PLEK: variants seen among roughly 807,000 people sequenced by gnomAD.
PLEK encodes pleckstrin.
A neutral mutation model predicts 43.9 loss-of-function variants in PLEK; 25 were observed. That is an observed-to-expected ratio of 0.57 (90% confidence interval 0.41 to 0.79). The LOEUF is 0.79. PLEK is among the 30% of genes least tolerant of loss of function. The probability of loss-of-function intolerance (pLI) is 0.00; values close to 1 mark genes in which losing one functional copy is unlikely to be tolerated. For missense variants in PLEK, 396 were observed against 413.3 expected (o/e 0.96, Z 0.36); for synonymous variants, 152 against 144.4 (o/e 1.05, Z -0.38).
chr2:68,378,126 A>T (rs1448729999), intron 1 of PLEK, among the ~76,000 whole-genome samples: 1 of 152,196 alleles, frequency 6.6e-6, no homozygotes, highest in African/African-American at 2.4e-5. Flanking sequence ...CATGCATTAT[A>T]CACTTATATA....
chr2:68,385,950 G>A lies in PLEK; in HGVS notation c.473-552G>A, dbSNP rs553395412. On this transcript the variant is annotated intron_variant, in intron 4 of 8. Transcript: ENST00000234313. ...AACACCCAGTAGAGTACCTAGCATC[G>A]AGTAGGTGCTCAGTAAATGTTTGTT... 1.1e-4 allele frequency among the ~76,000 whole-genome samples: 16 copies of A among 152,268 alleles called. No individual in the cohort carries two copies. In the Middle Eastern group the frequency reaches 0.01, roughly 97 times the overall value.
intron 1 of PLEK, among the ~76,000 whole-genome samples, chr2:68,377,514 A>G (rs1673528212): frequency 6.6e-6 from 1 of 152,148 alleles, no homozygotes; most frequent in African/African-American, 2.4e-5. Flanking sequence ...CATTTCTCTG[A>G]TGATCAGTGA....
At position 68,395,993 on chromosome 2, in the gene PLEK, T is replaced by G. The variant is rs1405979062; in HGVS notation, c.*177T>G. The G allele has an allele frequency of 1.6e-6, 1 of 619,066 alleles. No homozygotes were observed. Among genetic ancestry groups the G allele is most frequent in the Non-Finnish European group, 2.9e-6 (1 of 341,500 alleles). The allele number at this position is 619,066 out of a possible 1,614,324, so 38.3% of individuals were successfully genotyped here. A position where few individuals can be genotyped will look rare whatever the true frequency, so the allele number is the denominator to read the frequency against. Reference sequence around the variant, plus strand: ...GTGTGCAAGGTTCCCCTGCATTGTATTGCTCACTGCAGCCCCTCTGCCCCT... The same window carrying G: ...GTGTGCAAGGTTCCCCTGCATTGTAGTGCTCACTGCAGCCCCTCTGCCCCT... On this transcript the variant is annotated 3_prime_UTR_variant, in exon 9 of 9. Transcript: ENST00000234313.
intron 2 of PLEK, 76 bp downstream of exon 2, chr2:68,380,559 G>A (rs77480728): frequency 0.017 from 24,641 of 1,489,390 alleles, 362 homozygotes; most frequent in Admixed American, 0.078. Context: ...CCTACAATGT[G>A]GGTGGTGCTC....
intron 1 of PLEK, among the ~76,000 whole-genome samples, chr2:68,372,494 A>G (rs1673429709): frequency 6.6e-6 from 1 of 152,100 alleles, no homozygotes; most frequent in Non-Finnish European, 1.5e-5. Flanking sequence ...TATTTTTAAT[A>G]TGGTCAAATC....
chr2:68,383,383 G>A (rs1673669089), intron 4 of PLEK, among the ~76,000 whole-genome samples: 1 of 152,174 alleles, frequency 6.6e-6, no homozygotes, highest in Non-Finnish European at 1.5e-5. Flanking sequence ...GGGTTGATGG[G>A]ATGAATAGGA....
At chr2:68,382,496 GT>G (rs763061886) in intron 3 of PLEK, 45 bp from the exon 4 acceptor site, 307 of 1,150,738 alleles carry the variant, frequency 2.7e-4, no homozygotes, top group East Asian at 1.4e-3. Flanking sequence ...ATCCAACTGG[GT>G]TTTTTTTTGT....
Position 68,396,690 on chromosome 2 carries a change from C to T in PLEK, c.*874C>T, listed in dbSNP as rs2103790923. On this transcript the variant is annotated 3_prime_UTR_variant, in exon 9 of 9. Coordinates refer to ENST00000234313, the MANE Select transcript of PLEK (RefSeq NM_002664.3). ...AGGGGGACCCCACATCTGTGAGATT[C>T]TGTTTCATTTGAGGTTTACAGAAAA... 1 of 146,348 alleles carries T rather than the reference C, an allele frequency of 6.8e-6. No individual in the cohort carries two copies. The highest frequency in any genetic ancestry group is 3.5e-3 in the Middle Eastern group (1 of 284). 9.1% of individuals were successfully genotyped at this position (146,348 alleles called of 1,614,324 possible).
At chr2:68,387,776 G>GT (rs5831929) in intron 5 of PLEK, among the ~76,000 whole-genome samples, 408 of 147,496 alleles carry the variant, frequency 2.8e-3, no homozygotes, top group African/African-American at 5.4e-3. Context: ...TCCACAGTCT[G>GT]TTTTTTTTTT....
Position 68,365,303 on chromosome 2 carries a change from T to C in PLEK, c.-49T>C. The C allele has an allele frequency of 6.3e-7, 1 of 1,575,432 alleles. No homozygotes were observed. ...CAGCATGCAGAGGAGGCCCAGCTGC[T>C]GAGAGGAGTTGCCTGAGAGTGACCT... On this transcript the variant is annotated 5_prime_UTR_variant, in exon 1 of 9. The change abolishes the stop of an existing upstream ORF in the 5' untranslated region. Transcript: ENST00000234313.
intron 2 of PLEK, 84 bp downstream of exon 2, chr2:68,380,567 C>T (rs1026199920): frequency 2.8e-6 from 4 of 1,450,048 alleles, no homozygotes; most frequent in Non-Finnish European, 2.9e-6. Context: ...GTGGGTGGTG[C>T]TCCTTGGGCT....
intron 6 of PLEK, among the ~76,000 whole-genome samples, chr2:68,389,001 G>A (rs1673807317): frequency 6.6e-6 from 1 of 152,172 alleles, no homozygotes; most frequent in African/African-American, 2.4e-5. Context: ...CACAGGAACA[G>A]CAGGCAAAAG....
intron 1 of PLEK, among the ~76,000 whole-genome samples, chr2:68,378,171 G>T (rs886288122): frequency 3.9e-5 from 6 of 152,080 alleles, no homozygotes; most frequent in African/African-American, 1.4e-4. Context: ...TCTAAACTAT[G>T]CTTTAAGATG....
intron 3 of PLEK, 151 bp from the exon 4 acceptor site, chr2:68,382,391 T>C (rs1673641234): frequency 1.8e-6 from 1 of 568,744 alleles, no homozygotes; most frequent in Admixed American, 3.0e-5. Flanking sequence ...ACTTATGATC[T>C]GATGGAGGGA....
At chr2:68,368,966 G>A (rs1369277749) in intron 1 of PLEK, among the ~76,000 whole-genome samples, 3 of 152,218 alleles carry the variant, frequency 2.0e-5, no homozygotes, top group Non-Finnish European at 4.4e-5. Context: ...GGAAAGGGCT[G>A]CAGAAAGCTG....
In PLEK at chr2:68,397,362, T is replaced by C. The variant is rs1036045509; in HGVS notation, c.*1546T>C. The C allele has an allele frequency of 3.9e-5, 6 of 152,216 alleles. No individual in the cohort carries two copies. Among genetic ancestry groups the C allele is most frequent in the African/African-American group, 1.2e-4 (5 of 41,448 alleles). The allele number at this position is 152,216 out of a possible 1,614,324, so 9.4% of individuals were successfully genotyped here. Reference sequence around the variant, plus strand: ...TTTAATAAATTATCTTTATAGAATATGCACAAGTTTTTCTACACTCAGTGT... The same window carrying C: ...TTTAATAAATTATCTTTATAGAATACGCACAAGTTTTTCTACACTCAGTGT... On this transcript the variant is annotated 3_prime_UTR_variant, in exon 9 of 9. Transcript: ENST00000234313.
chr2:68,384,914 A>G (rs1191243196), intron 4 of PLEK, among the ~76,000 whole-genome samples: 1 of 152,214 alleles, frequency 6.6e-6, no homozygotes, highest in African/African-American at 2.4e-5. Flanking sequence ...GAAGAAATGC[A>G]GTGTCACTTA....
chr2:68,379,432 C>T (rs935661682), intron 1 of PLEK, among the ~76,000 whole-genome samples: 2 of 152,094 alleles, frequency 1.3e-5, no homozygotes, highest in African/African-American at 4.8e-5. Flanking sequence ...ACCCTTCCAA[C>T]CGAACACCAA....
intron 1 of PLEK, among the ~76,000 whole-genome samples, chr2:68,377,839 T>C (rs1673534436): frequency 6.6e-6 from 1 of 152,194 alleles, no homozygotes; most frequent in African/African-American, 2.4e-5. Context: ...GCTCAAGAAA[T>C]TTTTGGCCAG....
Sources: allele counts gnomAD v4.1 joint callset (sites outside exome capture counted in the v4.1 genomes callset), GRCh38; gene constraint gnomAD v4.1.1; transcripts MANE v1.5; gene names NCBI Gene and HGNC (gene_info 2026-07-23, HGNC 2026-07-21).